The following KDM5A variants were observed in gnomAD, a reference collection of about 807,000 sequenced individuals.
KDM5A encodes lysine-specific demethylase 5A.
KDM5A carries 42 observed loss-of-function variants against 193.5 expected under a neutral mutation model. The ratio of observed to expected loss-of-function variants is 0.22; its 90% CI spans 0.17 to 0.28. The LOEUF is 0.28. Among genes scored for constraint, KDM5A ranks in the 10% least tolerant of loss-of-function variants. KDM5A has a pLI of 1.00. For synonymous variants in KDM5A, 796 were observed against 718.1 expected, an observed-to-expected ratio of 1.11 and a Z score of -1.73; for missense variants, 1,692 against 2,055.1, an observed-to-expected ratio of 0.82 and a Z score of 3.42.
At chr12:385,199 A>C (rs1334663395) in intron 2 of KDM5A, among the ~76,000 whole-genome samples, 2 of 151,668 alleles carry the variant, frequency 1.3e-5, no homozygotes, top group African/African-American at 4.8e-5. Context: ...AAAAAAAAAA[A>C]AGTATGTATT....
chr12:378,138 A>C (rs763516071), intron 3 of KDM5A, among the ~76,000 whole-genome samples: 39 of 152,234 alleles, frequency 2.6e-4, no homozygotes, highest in Non-Finnish European at 4.4e-4. Flanking sequence ...GAAATGAAGA[A>C]ACAGCAATAT....
At chr12:317,024 C>T (rs1468275654) in intron 19 of KDM5A, among the ~76,000 whole-genome samples, 2 of 152,190 alleles carry the variant, frequency 1.3e-5, no homozygotes, top group African/African-American at 4.8e-5. Context: ...TTAATCTTAG[C>T]TGCTAGAGAA....
chr12:283,825 C>CT lies in KDM5A; in HGVS notation c.*1630dup. On this transcript the variant is annotated 3_prime_UTR_variant, in exon 28 of 28. Transcript: ENST00000399788. ...ATTTTTAGTCATTTTTTTTTTTGTCCTTTAAAAAAAAATTAGTCCCCTTCT... is the reference window on the plus strand; with the variant it reads ...ATTTTTAGTCATTTTTTTTTTTGTCCTTTTAAAAAAAAATTAGTCCCCTTCT... 4.3e-6 allele frequency: 1 copy of CT among 230,846 alleles called. No individual in the cohort carries two copies. The highest frequency in any genetic ancestry group is 8.5e-6 in the Non-Finnish European group (1 of 117,166). 14.3% of individuals were successfully genotyped at this position (230,846 alleles called of 1,614,324 possible).
intron 27 of KDM5A, among the ~76,000 whole-genome samples, chr12:286,602 C>T (rs1426456868): frequency 6.6e-6 from 1 of 152,136 alleles, no homozygotes; most frequent in Non-Finnish European, 1.5e-5. Flanking sequence ...AAACCATGAG[C>T]TTTACCAGAT....
At position 362,950 on chromosome 12, in the gene KDM5A, A is replaced by G. The variant is rs1407058699; in HGVS notation, c.672+13T>C. 1 of 1,613,766 alleles carries G rather than the reference A, an allele frequency of 6.2e-7. No individual in the cohort carries two copies. The highest frequency in any genetic ancestry group is 1.1e-5 in the South Asian group (1 of 91,072). On this transcript the variant is annotated intron_variant, in intron 5 of 27. Transcript: ENST00000399788. ...TTTATTTAAAAATTTAAAAAAGCCC[A>G]AGACATTGATACCTGAGTCTTCACA...
intron 27 of KDM5A, among the ~76,000 whole-genome samples, chr12:291,000 CTT>C (rs1252019185): frequency 2.0e-5 from 3 of 152,130 alleles, no homozygotes; most frequent in African/African-American, 7.2e-5. Context: ...AACTGCTACA[CTT>C]TGATACCCAA....
At chr12:323,847 T>G in intron 14 of KDM5A, 66 bp from the exon 15 acceptor site, 1 of 1,312,854 alleles carries the variant, frequency 7.6e-7, no homozygotes, top group Non-Finnish European at 1.1e-6. Flanking sequence ...AAACTTAAGT[T>G]ACTACATTTT....
intron 1 of KDM5A, chr12:388,132 G>A (rs1026635230): frequency 8.5e-6 from 3 of 353,052 alleles, no homozygotes; most frequent in South Asian, 4.3e-5. Context: ...AAAAAGCACT[G>A]GTCTAATGAG....
At chr12:376,912 AACAG>A (rs1377827255) in intron 3 of KDM5A, among the ~76,000 whole-genome samples, 2 of 152,248 alleles carry the variant, frequency 1.3e-5, no homozygotes, top group African/African-American at 4.8e-5. Flanking sequence ...CAATAACAAA[AACAG>A]ACAAACAAAA....
intron 10 of KDM5A, among the ~76,000 whole-genome samples, chr12:344,364 T>G (rs966733978): frequency 6.6e-6 from 1 of 152,188 alleles, no homozygotes; most frequent in Non-Finnish European, 1.5e-5. Context: ...CCAGGAGAAC[T>G]TCCCCAACCT....
intron 24 of KDM5A, among the ~76,000 whole-genome samples, chr12:302,336 T>C (rs900866063): frequency 4.6e-5 from 7 of 152,158 alleles, no homozygotes; most frequent in Admixed American, 2.0e-4. Context: ...TACAGACCAA[T>C]AGAACAGAAC....
rs369750152 is a variant in KDM5A, at chr12:350,743, G to T, written c.1186C>A (p.Arg396=). The T allele has an allele frequency of 1.4e-4, 227 of 1,613,906 alleles. 1 individual carries two copies. In the African/African-American group the frequency reaches 1.9e-3, roughly 14 times the overall value. ...TCTTCTTCAATGCTGCTTACCAGCC[G>T]CCAAAATTCCTTTTCTACTAGTTCT... ...PTELVEKEFW[R]LVSSIEEDVI... Residue 396 remains arginine (R), a synonymous_variant, in exon 10 of 28, where the codon CGG becomes AGG. Transcript: ENST00000399788.
chr12:284,638 CT>C lies in KDM5A; in HGVS notation c.*817del, dbSNP rs199915159. On this transcript the variant is annotated 3_prime_UTR_variant, in exon 28 of 28. Coordinates refer to ENST00000399788, the MANE Select transcript of KDM5A (RefSeq NM_001042603.3). ...CTGGTCATCATCGTCATCTTCTTCT[CT>C]TTTTTTTTTTGGCAGAAGCCTGGAT... 0.015 allele frequency: 2,843 copies of C among 193,310 alleles called. No individual in the cohort carries two copies. The highest frequency in any genetic ancestry group is 0.026 in the East Asian group (293 of 11,370). The allele number at this position is 193,310 out of a possible 1,614,324, so 12.0% of individuals were successfully genotyped here.
At chr12:336,664 A>G (rs1943937439) in intron 10 of KDM5A, among the ~76,000 whole-genome samples, 1 of 151,990 alleles carries the variant, frequency 6.6e-6, no homozygotes, top group Admixed American at 6.6e-5. Flanking sequence ...AACACCGTGA[A>G]ATCCCATCAC....
intron 24 of KDM5A, among the ~76,000 whole-genome samples, chr12:300,123 A>G (rs1280592055): frequency 2.0e-5 from 3 of 152,102 alleles, no homozygotes; most frequent in Admixed American, 6.5e-5. Flanking sequence ...TATTAGATCA[A>G]TGAGATGGAA....
At chr12:298,165 C>G (rs950819651) in intron 24 of KDM5A, among the ~76,000 whole-genome samples, 1 of 152,182 alleles carries the variant, frequency 6.6e-6, no homozygotes, top group Non-Finnish European at 1.5e-5. Flanking sequence ...AAGAGAGCAG[C>G]GGATCTCCCA....
rs572378705 is a variant in KDM5A at position 315,143 on chromosome 12, A to T, written c.2898-1949T>A. ...GCAGCCTGAGTGGAATGAGAGAAAA[A>T]GAAGGAATAATCCTACAAGCAGTCC... On this transcript the variant is annotated intron_variant, in intron 19 of 27. Transcript: ENST00000399788. 2.0e-5 allele frequency among the ~76,000 whole-genome samples: 3 copies of T among 152,350 alleles called. No homozygotes were observed. The South Asian group carries it at 6.2e-4, about 32-fold the overall frequency.
rs3759370 is a variant in KDM5A at position 362,660 on chromosome 12, C to T, written c.672+303G>A. ...AAAGAACTTTCTAAATCAAATTACG[C>T]CACATTTCACAATTTATTCTCCATT... On this transcript the variant is annotated intron_variant, in intron 5 of 27. Coordinates refer to ENST00000399788, the MANE Select transcript of KDM5A (RefSeq NM_001042603.3). Among the ~76,000 whole-genome samples the T allele has an allele frequency of 0.071, 10,738 of 152,238 alleles. 851 individuals carry two copies. The highest frequency in any genetic ancestry group is 0.35 in the East Asian group (1,825 of 5,172).
At chr12:286,076 A>AT (rs1943216771) in intron 27 of KDM5A, 1 of 438,906 alleles carries the variant, frequency 2.3e-6, no homozygotes, top group African/African-American at 2.0e-5. Flanking sequence ...AATCCTGTGT[A>AT]TTAGCTTTAT....
Sources: gnomAD v4.1 joint callset for allele counts (sites outside exome capture counted in the v4.1 genomes callset) on GRCh38, gnomAD v4.1.1 for gene constraint, MANE v1.5 for transcripts, NCBI Gene and HGNC (gene_info 2026-07-23, HGNC 2026-07-21) for gene names.